The following CIMAP2 variants were observed in gnomAD, a reference collection of about 807,000 sequenced individuals.
CIMAP2 encodes ciliary microtubule associated protein 2.
chr1:54,824,822 A>G, the CIMAP2 span, among the ~76,000 whole-genome samples: 3 of 151,406 alleles, frequency 2.0e-5, no homozygotes, highest in African/African-American at 7.3e-5. Flanking sequence ...TTTCTCTTGT[A>G]TCTCATTGAT....
the CIMAP2 span, chr1:54,841,833 G>A: frequency 1.3e-6 from 2 of 1,556,144 alleles, no homozygotes; most frequent in South Asian, 1.2e-5. Context: ...AAGGGAAAGT[G>A]CCCTCCAACT....
At chr1:54,806,472 G>A in the CIMAP2 span, among the ~76,000 whole-genome samples, 2 of 152,212 alleles carry the variant, frequency 1.3e-5, no homozygotes, top group African/African-American at 2.4e-5. Context: ...CATTTCAAGA[G>A]CACTTACTAT....
chr1:54,841,442 G>T, the CIMAP2 span, among the ~76,000 whole-genome samples: 5 of 152,138 alleles, frequency 3.3e-5, no homozygotes, highest in African/African-American at 9.7e-5. Flanking sequence ...CCTGATGCTG[G>T]CCTTCAGGTG....
chr1:54,820,145 T>TTTCC, the CIMAP2 span, among the ~76,000 whole-genome samples: 1 of 123,708 alleles, frequency 8.1e-6, no homozygotes, highest in East Asian at 2.8e-4. Context: ...TTTCTCTCTT[T>TTTCC]CTCCCTTCCT....
At chr1:54,840,866 G>A in the CIMAP2 span, among the ~76,000 whole-genome samples, 4 of 152,294 alleles carry the variant, frequency 2.6e-5, no homozygotes, top group South Asian at 6.2e-4. Flanking sequence ...TATCAGATAC[G>A]TGTTTTGCAA....
chr1:54,813,602 G>A, the CIMAP2 span, among the ~76,000 whole-genome samples: 4 of 152,248 alleles, frequency 2.6e-5, no homozygotes, highest in East Asian at 3.9e-4. Context: ...GACTAACCCC[G>A]CCCCGACCCG....
chr1:54,813,819 A>C, the CIMAP2 span: 2 of 1,587,214 alleles, frequency 1.3e-6, no homozygotes, highest in Non-Finnish European at 1.7e-6. Context: ...CTTAGAAAAA[A>C]AAGCCCAGGG....
the CIMAP2 span, among the ~76,000 whole-genome samples, chr1:54,813,392 C>A: frequency 0.013 from 2,029 of 152,324 alleles, 41 homozygotes; most frequent in African/African-American, 0.046. Context: ...GACATGCAGC[C>A]ACCATTTTAG....
chr1:54,813,422 A>T, the CIMAP2 span, among the ~76,000 whole-genome samples: 1 of 152,342 alleles, frequency 6.6e-6, no homozygotes, highest in African/African-American at 2.4e-5. Flanking sequence ...GAATAGTTTC[A>T]CTGCCGTCCA....
At chr1:54,810,762 C>T in the CIMAP2 span, among the ~76,000 whole-genome samples, 5 of 152,238 alleles carry the variant, frequency 3.3e-5, no homozygotes, top group Admixed American at 1.3e-4. Context: ...ACCCTGGCAG[C>T]CCAGGTCCCA....
chr1:54,821,897 T>TC, the CIMAP2 span, among the ~76,000 whole-genome samples: 23 of 80,758 alleles, frequency 2.8e-4, 3 homozygotes, highest in Non-Finnish European at 5.8e-4. Flanking sequence ...TTTTTTTTTT[T>TC]TTTTTTTTTT....
At chr1:54,808,095 TCCAG>T in the CIMAP2 span, 15 of 1,402,182 alleles carry the variant, frequency 1.1e-5, no homozygotes, top group South Asian at 5.0e-5. Flanking sequence ...TACATATCCA[TCCAG>T]CCAGCCAGCC....
At chr1:54,820,961 G>T in the CIMAP2 span, among the ~76,000 whole-genome samples, 1 of 152,024 alleles carries the variant, frequency 6.6e-6, no homozygotes, top group Admixed American at 6.5e-5. Flanking sequence ...TAGAGACGGG[G>T]TTTCACCATG....
the CIMAP2 span, chr1:54,806,065 A>T: frequency 2.1e-6 from 3 of 1,462,012 alleles, no homozygotes; most frequent in South Asian, 3.9e-5. Flanking sequence ...GGCGCATCAC[A>T]AGGCCCGGGT....
the CIMAP2 span, among the ~76,000 whole-genome samples, chr1:54,831,517 G>T: frequency 6.6e-6 from 1 of 152,080 alleles, no homozygotes; most frequent in African/African-American, 2.4e-5. Flanking sequence ...GCCAGGTGTG[G>T]TGGCACACAC....
chr1:54,807,141 G>A, the CIMAP2 span: 35 of 1,513,650 alleles, frequency 2.3e-5, no homozygotes, highest in Non-Finnish European at 3.1e-5. Flanking sequence ...GCCCCTTCGA[G>A]CTGCCTGCTG....
At chr1:54,811,741 T>G in the CIMAP2 span, 1 of 1,415,484 alleles carries the variant, frequency 7.1e-7, no homozygotes, top group Non-Finnish European at 9.8e-7. Context: ...TCAGGCACAC[T>G]CAGCACAAGG....
the CIMAP2 span, chr1:54,806,114 G>C: frequency 2.5e-5 from 39 of 1,531,528 alleles, no homozygotes; most frequent in African/African-American, 5.2e-4. Context: ...GCGCAGGCCT[G>C]CCATGAGGGA....
the CIMAP2 span, chr1:54,811,983 C>A: frequency 3.1e-6 from 5 of 1,614,008 alleles, no homozygotes; most frequent in African/African-American, 6.7e-5. Flanking sequence ...TGCAGGGGCA[C>A]TCCCAGGGCA....
Sources: allele counts gnomAD v4.1 joint callset (sites outside exome capture counted in the v4.1 genomes callset), GRCh38; gene constraint gnomAD v4.1.1; transcripts MANE v1.5; gene names NCBI Gene and HGNC (gene_info 2026-07-23, HGNC 2026-07-21).